DISP1: variants seen among roughly 807,000 people sequenced by gnomAD.
The protein encoded by DISP1 is protein dispatched homolog 1.
A neutral mutation model predicts 37.3 loss-of-function variants in DISP1; 30 were observed. The observed-to-expected ratio is 0.80, with a 90% CI of 0.60 to 1.09. The LOEUF is 1.09. Among genes scored for constraint, DISP1 ranks in the 50% least tolerant of loss-of-function variants. DISP1 has a pLI of 0.00. For missense variants in DISP1, 1,598 were observed against 1,879.5 expected (o/e 0.85, Z 2.77); for synonymous variants, 634 against 690.2 (o/e 0.92, Z 1.28).
At chr1:222,858,820 C>T (rs183951786) in intron 1 of DISP1, among the ~76,000 whole-genome samples, 76 of 152,186 alleles carry the variant, frequency 5.0e-4, no homozygotes, top group African/African-American at 1.5e-3. Context: ...ATTATTAAAA[C>T]GTCTAGAAAC....
intron 3 of DISP1, among the ~76,000 whole-genome samples, chr1:222,963,251 A>T (rs1379345193): frequency 6.6e-6 from 1 of 152,244 alleles, no homozygotes; most frequent in African/African-American, 2.4e-5. Context: ...CAAAATGGAG[A>T]TTATTAAAAA....
intron 1 of DISP1, among the ~76,000 whole-genome samples, chr1:222,885,789 G>A (rs1670559736): frequency 6.6e-6 from 1 of 152,010 alleles, no homozygotes; most frequent in Admixed American, 6.6e-5. Context: ...CTTTGAGTGG[G>A]CAGAGTGAGG....
chr1:222,978,903 A>G (rs1677612078), intron 3 of DISP1, among the ~76,000 whole-genome samples: 1 of 152,182 alleles, frequency 6.6e-6, no homozygotes. Context: ...TACCAGTACC[A>G]TGCTGTTTTG....
At chr1:222,974,188 TGGTAG>T (rs1677154120) in intron 3 of DISP1, among the ~76,000 whole-genome samples, 1 of 152,188 alleles carries the variant, frequency 6.6e-6, no homozygotes, top group Admixed American at 6.5e-5. Context: ...AATAACAGTG[TGGTAG>T]TAGTACCTTT....
In DISP1 at chr1:222,961,879, G is replaced by A. The variant is rs185125655; in HGVS notation, c.509+18547G>A. ...AAATTAGCTGGGCATGGTGGTGTGC[G>A]CTTGTAGTCCCAGCTACTCAGGAGG... is the stretch of plus-strand genomic sequence containing the variant. On this transcript the variant is annotated intron_variant, in intron 3 of 8. Transcript: ENST00000675850. 1.0e-3 allele frequency among the ~76,000 whole-genome samples: 158 copies of A among 152,056 alleles called. 1 individual carries two copies. The highest frequency in any genetic ancestry group is 1.2e-4 in the African/African-American group (5 of 41,474).
chr1:222,877,091 G>A (rs1670012786), intron 1 of DISP1, among the ~76,000 whole-genome samples: 1 of 152,162 alleles, frequency 6.6e-6, no homozygotes, highest in African/African-American at 2.4e-5. Flanking sequence ...CGTGATTCTG[G>A]CTTTGGGAGA....
At chr1:222,849,431 A>G (rs922559000) in intron 1 of DISP1, among the ~76,000 whole-genome samples, 1 of 151,328 alleles carries the variant, frequency 6.6e-6, no homozygotes, top group African/African-American at 2.4e-5. Context: ...CTAAATGAAA[A>G]CCACATTGAG....
chr1:222,936,533 C>G (rs1375900874), intron 2 of DISP1, among the ~76,000 whole-genome samples: 1 of 124,602 alleles, frequency 8.0e-6, no homozygotes, highest in African/African-American at 3.0e-5. Flanking sequence ...AAATGTCTCT[C>G]TCTCTCTCTA....
intron 3 of DISP1, among the ~76,000 whole-genome samples, chr1:222,968,499 AAG>A (rs1392738490): frequency 2.0e-5 from 3 of 152,206 alleles, no homozygotes; most frequent in African/African-American, 7.2e-5. Flanking sequence ...AGCCCATACC[AAG>A]ATGAATTTGG....
chr1:222,871,514 G>C (rs1312691068), intron 1 of DISP1, among the ~76,000 whole-genome samples: 20 of 152,180 alleles, frequency 1.3e-4, no homozygotes, highest in Admixed American at 1.3e-4. Context: ...CACATCTCTT[G>C]TAAGTTGGAT....
intron 2 of DISP1, among the ~76,000 whole-genome samples, chr1:222,936,776 A>G (rs1410182819): frequency 1.2e-5 from 1 of 81,846 alleles, no homozygotes; most frequent in East Asian, 3.0e-4. Flanking sequence ...AATTATATAT[A>G]TCATATATAA....
chr1:223,003,943 C>T lies in DISP1; in HGVS notation c.2546C>T (p.Thr849Ile). ...TACCAGACTGATGAACAGGACTTCA[C>T]CAGCTGCTTCATTGAGACATTCAAA... Reference protein sequence around the residue: ...FFYQTDEQDFTSCFIETFKQW... With the variant: ...FFYQTDEQDFISCFIETFKQW... The change falls in exon 9 of 9, where the codon ACC becomes ATC. Residue 849 changes from threonine to isoleucine, a missense_variant. Thr to Ile is a moderately conservative substitution (Grantham distance 89, BLOSUM62 -1). Transcript: ENST00000675850. This position sits in a 1 kb window ranked among gnomAD's most constrained non-coding sequence, Gnocchi z 4.3. 6.2e-7 allele frequency: 1 copy of T among 1,614,150 alleles called. No homozygotes were observed. The highest frequency in any genetic ancestry group is 8.5e-7 in the Non-Finnish European group (1 of 1,180,032).
chr1:222,894,462 C>G (rs1242396931), intron 1 of DISP1, among the ~76,000 whole-genome samples: 1 of 152,226 alleles, frequency 6.6e-6, no homozygotes, highest in Non-Finnish European at 1.5e-5. Flanking sequence ...AGCACTGCCT[C>G]AACTGTGCAC....
intron 1 of DISP1, among the ~76,000 whole-genome samples, chr1:222,828,441 A>G (rs932921300): frequency 6.6e-6 from 1 of 152,320 alleles, no homozygotes; most frequent in African/African-American, 2.4e-5. Context: ...AACTATTTTT[A>G]TCAGACATTA....
At position 223,005,020 on chromosome 1, in the gene DISP1, C is replaced by T. The variant is rs759163712; in HGVS notation, c.3623C>T (p.Thr1208Ile). ...CACAGCTGCACTGCCCCTGAGAAGA[C>T]CACTTATGAAGAGACCCACATCTGC... ...ASHSCTAPEK[T>I]TYEETHICSE... Residue 1208 changes from threonine to isoleucine, a missense_variant, in exon 9 of 9, where the codon ACC (threonine) becomes ATC (isoleucine). Physicochemically the swap from Thr to Ile is moderately conservative, Grantham distance 89 (BLOSUM62 -1). Transcript: ENST00000675850. 1 of 1,614,158 alleles carries T rather than the reference C, an allele frequency of 6.2e-7. No homozygotes were observed. Among genetic ancestry groups the T allele is most frequent in the Non-Finnish European group, 8.5e-7 (1 of 1,180,028 alleles).
At chr1:222,839,994 G>C (rs1035106932) in intron 1 of DISP1, among the ~76,000 whole-genome samples, 3 of 151,716 alleles carry the variant, frequency 2.0e-5, no homozygotes, top group African/African-American at 7.3e-5. Flanking sequence ...TGTCTTAAAT[G>C]TGCTCAGAAC....
At chr1:222,887,491 T>TAA (rs1461960601) in intron 1 of DISP1, among the ~76,000 whole-genome samples, 1 of 108,456 alleles carries the variant, frequency 9.2e-6, no homozygotes, top group African/African-American at 3.3e-5. Context: ...TTTTTGTTTT[T>TAA]TTTTTTTTTT....
intron 1 of DISP1, among the ~76,000 whole-genome samples, chr1:222,906,966 T>C (rs928679712): frequency 6.6e-6 from 1 of 152,224 alleles, no homozygotes; most frequent in African/African-American, 2.4e-5. Flanking sequence ...AGGTTAATCA[T>C]GGAAGATTTT....
intron 1 of DISP1, among the ~76,000 whole-genome samples, chr1:222,874,356 A>G (rs1279579441): frequency 6.6e-6 from 1 of 152,174 alleles, no homozygotes; most frequent in Admixed American, 6.5e-5. Flanking sequence ...CCTGGATAAT[A>G]TCCTGCAGAG....
Sources: allele counts gnomAD v4.1 joint callset (sites outside exome capture counted in the v4.1 genomes callset), GRCh38; gene constraint gnomAD v4.1.1; non-coding constraint Gnocchi (gnomAD v3.1); transcripts MANE v1.5; gene names NCBI Gene and HGNC (gene_info 2026-07-23, HGNC 2026-07-21).